The following TLE3 variants were observed in gnomAD, a reference collection of about 807,000 sequenced individuals.
TLE3 encodes transducin-like enhancer protein 3.
TLE3 carries 14 observed loss-of-function variants against 93.0 expected under a neutral mutation model. That is an observed-to-expected ratio of 0.15 (90% CI 0.10 to 0.24). The LOEUF is 0.24. TLE3 is among the 10% of genes least tolerant of loss of function. The pLI is 1.00. For missense variants in TLE3, 693 were observed against 1,046.6 expected (o/e 0.66, Z 4.66); for synonymous variants, 451 against 425.0 (o/e 1.06, Z -0.75).
intron 9 of TLE3, 80 bp downstream of exon 9, chr15:70,060,450 T>G: frequency 1.9e-6 from 3 of 1,577,860 alleles, no homozygotes; most frequent in Non-Finnish European, 2.6e-6. Context: ...AAGAAGACCC[T>G]GGCCACAGCT....
chr15:70,081,935 G>A (rs2057800408), intron 4 of TLE3, among the ~76,000 whole-genome samples: 1 of 152,210 alleles, frequency 6.6e-6, no homozygotes, highest in Admixed American at 6.5e-5. Context: ...ATCTCAGTCA[G>A]CTCTGAGGTT....
intron 6 of TLE3, among the ~76,000 whole-genome samples, chr15:70,067,185 C>T (rs2056868033): frequency 6.6e-6 from 1 of 152,230 alleles, no homozygotes; most frequent in African/African-American, 2.4e-5. Context: ...CCAACTTCCC[C>T]ACTCAACACT....
At position 70,050,010 on chromosome 15, in the gene TLE3, C is replaced by T. The variant is rs1305900938; in HGVS notation, c.*87G>A. ...CGGCTGCCTGCGGCCCATCCTCCGC[C>T]ATCCTCGGGGCCCCTCGCCTGGGGG... On this transcript the variant is annotated 3_prime_UTR_variant, in exon 20 of 20. Coordinates refer to ENST00000451782, the MANE Select transcript of TLE3 (RefSeq NM_001105192.3). 3.4e-6 allele frequency: 4 copies of T among 1,191,272 alleles called. No homozygotes were observed. The East Asian group carries it at 9.4e-5, about 28-fold the overall frequency. The allele number at this position is 1,191,272 out of a possible 1,614,324, so 73.8% of individuals were successfully genotyped here.
intron 1 of TLE3, 134 bp downstream of exon 1, chr15:70,096,641 C>T: frequency 4.5e-6 from 7 of 1,549,584 alleles, no homozygotes; most frequent in Non-Finnish European, 6.1e-6. Flanking sequence ...GGCCGCATCC[C>T]CCTTTGTGTG....
intron 4 of TLE3, among the ~76,000 whole-genome samples, chr15:70,087,785 A>G (rs932625954): frequency 2.0e-5 from 3 of 152,246 alleles, no homozygotes; most frequent in African/African-American, 7.2e-5. Context: ...TTGGTGACAG[A>G]GAGGCAAAGG....
Position 70,049,713 on chromosome 15 carries a change from C to T in TLE3, c.*384G>A, listed in dbSNP as rs2055355100. ...GAGACCCCCCCATCCCCCAGCACAA[C>T]ATTGTGGTCCACTCCAGCACCCCCG... On this transcript the variant is annotated 3_prime_UTR_variant, in exon 20 of 20. Coordinates refer to ENST00000451782, the MANE Select transcript of TLE3 (RefSeq NM_001105192.3). 5.1e-6 allele frequency: 1 copy of T among 194,742 alleles called. No individual in the cohort carries two copies. The highest frequency in any genetic ancestry group is 1.1e-4 in the South Asian group (1 of 9,444). The allele number at this position is 194,742 out of a possible 1,614,324, so 12.1% of individuals were successfully genotyped here.
intron 14 of TLE3, 83 bp downstream of exon 14, chr15:70,056,215 T>G (rs2056010171): frequency 7.0e-7 from 1 of 1,422,504 alleles, no homozygotes; most frequent in Non-Finnish European, 9.9e-7. Context: ...GGTCAGGGGA[T>G]GAGGGGCGTT....
In TLE3 at chr15:70,055,196, G is replaced by C. The variant is rs1251656464; in HGVS notation, c.1431C>G (p.Ile477Met). Residue 477 changes from isoleucine (I) to methionine (M), a missense_variant, in exon 15 of 20, where the codon ATC (isoleucine) becomes ATG (methionine). Physicochemically the swap from Ile to Met is conservative, Grantham distance 10. This residue lies in a region of TLE3 where 405 missense variants were observed against 468.9 expected (regional missense o/e 0.86). Transcript: ENST00000451782. The stretch of plus-strand genomic sequence containing the variant: ...CCACCTCCCCGTGGCTGAGTGTGTT[G>C]ATCTGCCGGGCGTGCCTCGGGATGC... ...GPGIPRHARQ[I>M]NTLSHGEVVC... is the part of the protein sequence containing the mutation. The C allele has an allele frequency of 6.2e-7, 1 of 1,613,978 alleles. No individual in the cohort carries two copies. Among genetic ancestry groups the C allele is most frequent in the Admixed American group, 1.7e-5 (1 of 60,008 alleles).
At chr15:70,078,516 G>T (rs2057570623) in intron 4 of TLE3, among the ~76,000 whole-genome samples, 1 of 152,244 alleles carries the variant, frequency 6.6e-6, no homozygotes, top group South Asian at 2.1e-4. Flanking sequence ...TAAATGTTTG[G>T]CCCAAAGAAT....
chr15:70,076,459 T>C (rs998797734), intron 4 of TLE3, among the ~76,000 whole-genome samples: 2 of 152,166 alleles, frequency 1.3e-5, no homozygotes, highest in African/African-American at 4.8e-5. Flanking sequence ...AATCCCTAAT[T>C]AAAGCAAAAC....
intron 1 of TLE3, 199 bp downstream of exon 1, chr15:70,096,576 G>C: frequency 6.6e-7 from 1 of 1,508,552 alleles, no homozygotes; most frequent in Non-Finnish European, 8.9e-7. Context: ...TGGAACACAA[G>C]CAGCCCCCCG....
At chr15:70,055,575 G>A (rs181047366) in intron 14 of TLE3, 82 of 377,790 alleles carry the variant, frequency 2.2e-4, no homozygotes, top group African/African-American at 1.5e-3. Context: ...CCTTTCCCAC[G>A]ATCCATACAT....
At chr15:70,060,787 G>A (rs771374392) in intron 8 of TLE3, 138 bp from the exon 9 acceptor site, 51 of 1,463,204 alleles carry the variant, frequency 3.5e-5, no homozygotes, top group East Asian at 2.8e-4. Context: ...CCTGCAGATC[G>A]TGGCTCCATC....
chr15:70,088,759 T>C (rs935092345), intron 4 of TLE3, among the ~76,000 whole-genome samples: 1 of 152,156 alleles, frequency 6.6e-6, no homozygotes, highest in Non-Finnish European at 1.5e-5. Context: ...TAACCAGTCA[T>C]TACAGAATTA....
rs1232168753 is a variant in TLE3 at position 70,049,741 on chromosome 15, C to T, written c.*356G>A. On this transcript the variant is annotated 3_prime_UTR_variant, in exon 20 of 20. Coordinates refer to ENST00000451782, the MANE Select transcript of TLE3 (RefSeq NM_001105192.3). ...TGTGGTCCACTCCAGCACCCCCGACCCAAGGTGAGGGACAGGGCAAAAGAA... is the reference window on the plus strand; with the variant it reads ...TGTGGTCCACTCCAGCACCCCCGACTCAAGGTGAGGGACAGGGCAAAAGAA... 3 of 217,392 alleles carry T rather than the reference C, an allele frequency of 1.4e-5. No individual in the cohort carries two copies. The highest frequency in any genetic ancestry group is 2.8e-5 in the Non-Finnish European group (3 of 105,808). The allele number at this position is 217,392 out of a possible 1,614,324, so 13.5% of individuals were successfully genotyped here.
chr15:70,092,252 G>A (rs2058344626), intron 4 of TLE3, among the ~76,000 whole-genome samples: 1 of 152,174 alleles, frequency 6.6e-6, no homozygotes, highest in African/African-American at 2.4e-5. Context: ...CTAGGGAGTG[G>A]CCAGCTCCAT....
At position 70,052,362 on chromosome 15, in the gene TLE3, T is replaced by C. The variant is rs753674474; in HGVS notation, c.2125+12A>G. 2.5e-6 allele frequency: 4 copies of C among 1,612,244 alleles called. No individual in the cohort carries two copies. The East Asian group carries it at 8.9e-5, about 36-fold the overall frequency. The stretch of plus-strand genomic sequence containing the variant: ...CCCCACTCCATCAGGCCTGGGCCCA[T>C]CCAAGGCTCACCGCAGTAGGCGAAC... On this transcript the variant is annotated intron_variant, in intron 18 of 19. Coordinates refer to ENST00000451782, the MANE Select transcript of TLE3 (RefSeq NM_001105192.3).
At chr15:70,053,402 G>A (rs1455638709) in intron 16 of TLE3, 28 bp from the exon 17 acceptor site, 2 of 1,583,276 alleles carry the variant, frequency 1.3e-6, no homozygotes, top group Non-Finnish European at 1.7e-6. Flanking sequence ...GGAGGAGGGT[G>A]AGTCCCGGGA....
rs2058594195 is a variant in TLE3, at chr15:70,096,889, G to A, written c.-91C>T. 6.9e-7 allele frequency: 1 copy of A among 1,449,612 alleles called. No homozygotes were observed. The highest frequency in any genetic ancestry group is 9.4e-7 in the Non-Finnish European group (1 of 1,063,972). The allele number at this position is 1,449,612 out of a possible 1,614,324, so 89.8% of individuals were successfully genotyped here. ...GGAGGGGGGAGCCGAGCCCGAGCGGGGGGCGGCCGGGAAACCGAGAGCTCG... is the reference window on the plus strand; with the variant it reads ...GGAGGGGGGAGCCGAGCCCGAGCGGAGGGCGGCCGGGAAACCGAGAGCTCG... On this transcript the variant is annotated 5_prime_UTR_variant, in exon 1 of 20. Coordinates refer to ENST00000451782, the MANE Select transcript of TLE3 (RefSeq NM_001105192.3).
Sources: allele counts gnomAD v4.1 joint callset (sites outside exome capture counted in the v4.1 genomes callset), GRCh38; gene constraint gnomAD v4.1.1; regional missense constraint gnomAD v4.1.1; transcripts MANE v1.5; gene names NCBI Gene and HGNC (gene_info 2026-07-23, HGNC 2026-07-21).